Variants in COL4A6 observed in about 807,000 individuals in gnomAD.
COL4A6 encodes collagen type IV alpha 6 chain.
COL4A6 carries 59 observed loss-of-function variants against 126.7 expected under a neutral mutation model. The observed-to-expected ratio is 0.47, with a 90% CI of 0.38 to 0.58. The LOEUF is 0.58. Ranked by LOEUF, COL4A6 falls within the 20% of genes least tolerant of loss-of-function variation. The pLI, the probability that COL4A6 is intolerant of heterozygous loss-of-function variation, is 0.00. For missense variants in COL4A6, 1,285 were observed against 1,337.3 expected, an observed-to-expected ratio of 0.96 and a Z score of 0.61; for synonymous variants, 547 against 496.6, an observed-to-expected ratio of 1.10 and a Z score of -1.35.
upstream of COL4A6, chrX:108,439,314 A>G: frequency 1.6e-6 from 1 of 645,116 alleles, no homozygotes. Context: ...TTATACGTAT[A>G]TAACACACAT....
At chrX:108,274,419 G>T (rs2037541252) in intron 3 of COL4A6, among the ~76,000 whole-genome samples, 1 of 111,545 alleles carries the variant, frequency 9.0e-6, no homozygotes, top group African/African-American at 3.3e-5. Context: ...CAGGGCAGAA[G>T]AATATTGCCT....
intron 3 of COL4A6, among the ~76,000 whole-genome samples, chrX:108,230,531 G>A (rs1388802859): frequency 1.8e-5 from 2 of 111,601 alleles, no homozygotes; most frequent in African/African-American, 6.5e-5. Flanking sequence ...CTGATGGTTG[G>A]GGGGAAATGC....
chrX:108,333,801 A>T (rs1569429660), intron 2 of COL4A6, among the ~76,000 whole-genome samples: 1 of 111,478 alleles, frequency 9.0e-6, no homozygotes, highest in Non-Finnish European at 1.9e-5. Context: ...TCCCATTAAC[A>T]GTATCTACAA....
chrX:108,196,625 C>T (rs755321311), intron 13 of COL4A6, 46 bp from the exon 14 acceptor site: 35 of 1,058,032 alleles, frequency 3.3e-5, no homozygotes, highest in Non-Finnish European at 4.1e-5. Context: ...GTTTTCTTGT[C>T]GGTCTCCTGG....
intron 3 of COL4A6, among the ~76,000 whole-genome samples, chrX:108,279,918 A>G (rs1037698689): frequency 9.0e-6 from 1 of 111,647 alleles, no homozygotes; most frequent in African/African-American, 3.3e-5. Flanking sequence ...AAATGAAGGC[A>G]GAATTAAAGA....
At chrX:108,359,897 C>G (rs2040044959) in intron 2 of COL4A6, among the ~76,000 whole-genome samples, 1 of 112,316 alleles carries the variant, frequency 8.9e-6, no homozygotes, top group Non-Finnish European at 1.9e-5. Context: ...ACATTTCTTA[C>G]TTGTGTAGAG....
Position 108,180,558 on chromosome X carries a change from T to A in COL4A6, c.2088A>T (p.Gly696=). The change falls in exon 25 of 45, where the codon GGA becomes GGT. Residue 696 remains glycine, a synonymous_variant. Coordinates refer to ENST00000334504, the MANE Select transcript of COL4A6 (RefSeq NM_033641.4). ...GAACCAATCCTGGACTCCCTGGCTCTCCTTTACTTCCACTTGACCCAGGCT... is the reference window on the plus strand; with the variant it reads ...GAACCAATCCTGGACTCCCTGGCTCACCTTTACTTCCACTTGACCCAGGCT... The part of the protein sequence containing the change: ...PGQPGSSGSK[G]EPGSPGLVHL... 1.7e-6 allele frequency: 2 copies of A among 1,208,265 alleles called. No homozygotes were observed. The highest frequency in any genetic ancestry group is 2.2e-6 in the Non-Finnish European group (2 of 894,511).
At chrX:108,170,413 G>T (rs1193813539) in intron 35 of COL4A6, among the ~76,000 whole-genome samples, 196 bp downstream of exon 35, 2 of 112,180 alleles carry the variant, frequency 1.8e-5, no homozygotes, top group Non-Finnish European at 3.8e-5. Flanking sequence ...TTCTCTTCAT[G>T]GATCCCATAT....
chrX:108,180,307 G>C lies in COL4A6; in HGVS notation c.2131+208C>G, dbSNP rs1004320081. Among the ~76,000 whole-genome samples the C allele has an allele frequency of 2.7e-5, 3 of 111,512 alleles. No homozygotes were observed. In the East Asian group the frequency reaches 8.5e-4, roughly 32 times the overall value. ...GGGGTTGCCCCAGCTGATTTTGAAT[G>C]GTCCTTATTGCTCTAATATGCTGTC... On this transcript the variant is annotated intron_variant, in intron 25 of 44. Transcript: ENST00000334504.
rs1358114669 is a variant in COL4A6, at chrX:108,210,779, A to G, written c.511-775T>C. Among the ~76,000 whole-genome samples, 5 of 111,687 alleles carry G rather than the reference A, an allele frequency of 4.5e-5. No individual in the cohort carries two copies. In the East Asian group the frequency reaches 1.1e-3, roughly 25 times the overall value. On this transcript the variant is annotated intron_variant, in intron 7 of 44. Coordinates refer to ENST00000334504, the MANE Select transcript of COL4A6 (RefSeq NM_033641.4). ...CTGTAAAATGAGCAATACGAGTCCA[A>G]GAATCATGAGGTCCTTTCCAACTCA...
At chrX:108,410,126 A>G (rs1467894104) in intron 2 of COL4A6, among the ~76,000 whole-genome samples, 1 of 111,777 alleles carries the variant, frequency 8.9e-6, no homozygotes, top group Non-Finnish European at 1.9e-5. Flanking sequence ...AAAGTCCTGG[A>G]GTCAGTGAAA....
At chrX:108,229,075 G>T (rs963538016) in intron 3 of COL4A6, among the ~76,000 whole-genome samples, 1 of 112,190 alleles carries the variant, frequency 8.9e-6, no homozygotes, top group Non-Finnish European at 1.9e-5. Flanking sequence ...TGGAGCAGAG[G>T]TGAGATCACA....
chrX:108,296,338 G>C (rs1428413150), intron 3 of COL4A6, among the ~76,000 whole-genome samples: 1 of 111,756 alleles, frequency 8.9e-6, no homozygotes, highest in Non-Finnish European at 1.9e-5. Context: ...ATGATTAATG[G>C]GTGAGAATTG....
chrX:108,268,119 T>C (rs1465055627), intron 3 of COL4A6: 2 of 111,634 alleles, frequency 1.8e-5, no homozygotes, highest in African/African-American at 6.5e-5. Context: ...GCCCTGAGCA[T>C]TGGCCAGTGT....
chrX:108,436,577 G>A (rs1311422213), intron 2 of COL4A6, among the ~76,000 whole-genome samples: 1 of 109,224 alleles, frequency 9.2e-6, no homozygotes, highest in Non-Finnish European at 1.9e-5. Context: ...TCAAATCTTG[G>A]CATTTTCAAT....
chrX:108,296,000 G>A (rs1292493185), intron 3 of COL4A6, among the ~76,000 whole-genome samples: 2 of 112,080 alleles, frequency 1.8e-5, no homozygotes, highest in African/African-American at 6.5e-5. Flanking sequence ...TTATCAGAAC[G>A]ATCAGCAACA....
At position 108,220,883 on chromosome X, in the gene COL4A6, A is replaced by G. The variant is rs1281953869; in HGVS notation, c.279+357T>C. On this transcript the variant is annotated intron_variant, in intron 4 of 44. Coordinates refer to ENST00000334504, the MANE Select transcript of COL4A6 (RefSeq NM_033641.4). ...AATCCCAGCACTTTGGGAGGCTGAG[A>G]CTGGTGGATCAGGAGTTTGAGGCCA... Among the ~76,000 whole-genome samples the G allele has an allele frequency of 3.6e-5, 4 of 112,289 alleles. No individual in the cohort carries two copies. The Admixed American group carries it at 3.7e-4, about 10-fold the overall frequency.
chrX:108,176,763 G>A, intron 28 of COL4A6, 78 bp downstream of exon 28: 2 of 1,023,090 alleles, frequency 2.0e-6, no homozygotes, highest in Non-Finnish European at 2.7e-6. Flanking sequence ...TTCCTAGGCA[G>A]AGAGGAAGGA....
At chrX:108,292,944 G>A (rs186908252) in intron 3 of COL4A6, among the ~76,000 whole-genome samples, 295 of 73,491 alleles carry the variant, frequency 4.0e-3, no homozygotes, top group African/African-American at 0.016. Flanking sequence ...GTGAGATCCC[G>A]TCTCTTAGGA....
Sources: gnomAD v4.1 joint callset for allele counts (sites outside exome capture counted in the v4.1 genomes callset) on GRCh38, gnomAD v4.1.1 for gene constraint, MANE v1.5 for transcripts, NCBI Gene and HGNC (gene_info 2026-07-23, HGNC 2026-07-21) for gene names.